ADHFE1: variants seen among roughly 807,000 people sequenced by gnomAD.
ADHFE1 encodes hydroxyacid-oxoacid transhydrogenase, mitochondrial.
In ADHFE1, 37 loss-of-function variants were observed where a neutral mutation model predicts 54.8. That is an observed-to-expected ratio of 0.68 (90% CI 0.52 to 0.89). The LOEUF (loss-of-function observed/expected upper bound fraction) is 0.89, where lower values mean the gene tolerates loss of function less well. Ranked by LOEUF, ADHFE1 falls within the 40% of genes least tolerant of loss-of-function variation. ADHFE1 has a pLI of 0.00. For synonymous variants in ADHFE1, 203 were observed against 229.3 expected, an observed-to-expected ratio of 0.89 and a Z score of 1.04; for missense variants, 601 against 591.2, an observed-to-expected ratio of 1.02 and a Z score of -0.17.
In ADHFE1 at chr8:66,440,160, A is replaced by C; in HGVS notation, c.60-2A>C. On this transcript the variant is annotated splice_acceptor_variant, in intron 1 of 13. Coordinates refer to ENST00000396623, the MANE Select transcript of ADHFE1 (RefSeq NM_144650.3). LOFTEE classifies it high-confidence loss of function. ...TTTTGCTGTCGTTTTTATTTTCCCT[A>C]GGTGCCAGTGCCCAACTCATTCTCA... 7.4e-6 allele frequency: 12 copies of C among 1,611,168 alleles called. No homozygotes were observed. The highest frequency in any genetic ancestry group is 1.7e-4 in the Middle Eastern group (1 of 6,052).
chr8:66,464,328 C>T (rs1397919930), intron 13 of ADHFE1, among the ~76,000 whole-genome samples: 1 of 152,200 alleles, frequency 6.6e-6, no homozygotes, highest in African/African-American at 2.4e-5. Context: ...AAACGCGAAA[C>T]AGAAACTCAG....
intron 13 of ADHFE1, among the ~76,000 whole-genome samples, chr8:66,464,375 A>G (rs986437656): frequency 2.0e-5 from 3 of 152,216 alleles, no homozygotes; most frequent in South Asian, 2.1e-4. Flanking sequence ...AGAGTCCTGC[A>G]CCGCTCCACC....
Position 66,460,848 on chromosome 8 carries a change from A to G in ADHFE1, c.1320+383A>G, listed in dbSNP as rs78043237. On this transcript the variant is annotated intron_variant, in intron 13 of 13. Transcript: ENST00000396623. ...CTGTTCCAAAAGGACCACCAATATT[A>G]TTTTCCATTGTAAAAGAGTTCCAGG... 6.8e-3 allele frequency among the ~76,000 whole-genome samples: 1,042 copies of G among 152,276 alleles called. 8 individuals are homozygous for G. Among genetic ancestry groups the G allele is most frequent in the African/African-American group, 0.023 (964 of 41,548 alleles).
intron 13 of ADHFE1, among the ~76,000 whole-genome samples, chr8:66,465,577 T>C (rs1807128310): frequency 1.3e-5 from 2 of 152,166 alleles, no homozygotes; most frequent in Admixed American, 1.3e-4. Context: ...CTGTTTGAGG[T>C]TTTTTGTTGG....
In ADHFE1 at chr8:66,448,923, C is replaced by G; in HGVS notation, c.687C>G (p.Leu229=). The part of the protein sequence containing the change: ...TLGLIDPLHT[L]HMPARVVANS... ...GACTGATTGATCCTCTGCACACCCT[C>G]CACATGCCTGCCCGAGTGGTCGCCA... The change falls in exon 8 of 14, where the codon CTC becomes CTG. Residue 229 remains leucine (L), a synonymous_variant. Transcript: ENST00000396623. 6.2e-7 allele frequency: 1 copy of G among 1,614,210 alleles called. No individual in the cohort carries two copies.
intron 12 of ADHFE1, chr8:66,460,036 C>CTTTTTT: frequency 2.5e-6 from 1 of 405,056 alleles, no homozygotes. Flanking sequence ...ACTTTCTTGC[C>CTTTTTT]TTGTTCTGCA....
At chr8:66,435,620 T>G (rs1041541916) in intron 1 of ADHFE1, among the ~76,000 whole-genome samples, 1 of 143,378 alleles carries the variant, frequency 7.0e-6, no homozygotes, top group African/African-American at 2.6e-5. Context: ...TTTTTTTTTT[T>G]TTTTTTTTTT....
rs150320903 is a variant in ADHFE1 at position 66,439,787 on chromosome 8, T to C, written c.60-375T>C. The C allele has an allele frequency of 4.7e-6, 5 of 1,064,422 alleles. No individual in the cohort carries two copies. The highest frequency in any genetic ancestry group is 7.2e-5 in the East Asian group (1 of 13,886). 65.9% of individuals were successfully genotyped at this position (1,064,422 alleles called of 1,614,324 possible). A position where few individuals can be genotyped will look rare whatever the true frequency, so the allele number is the denominator to read the frequency against. ...TAAGAAGAGGCACACAGAGTTAACCTTGGGCCGATTTGGTCAACGCTCCTA... is the reference window on the plus strand; with the variant it reads ...TAAGAAGAGGCACACAGAGTTAACCCTGGGCCGATTTGGTCAACGCTCCTA... On this transcript the variant is annotated intron_variant, in intron 1 of 13. Transcript: ENST00000396623. This position sits in a 1 kb window ranked among gnomAD's most constrained non-coding sequence, Gnocchi z 4.4.
In ADHFE1 at chr8:66,454,047, T is replaced by C. The variant is rs117569336; in HGVS notation, c.888-12T>C. The stretch of plus-strand genomic sequence containing the variant: ...TTGATGTGTTATTGTTAGGTATTTA[T>C]ATCATTCACAGGGCTGTCAGAAATC... On this transcript the variant is annotated splice_polypyrimidine_tract_variant and intron_variant, in intron 9 of 13. Transcript: ENST00000396623. 2.5e-4 allele frequency: 401 copies of C among 1,613,866 alleles called. 4 individuals carry two copies. The East Asian group carries it at 5.7e-3, about 23-fold the overall frequency.
At position 66,448,980 on chromosome 8, in the gene ADHFE1, G is replaced by A. The variant is rs1392515076; in HGVS notation, c.734+10G>A. ...GCTTTGATGTGCTTTGGTAAGTGCT[G>A]GTGCCTCCTGGAGGGGCTTTTTTAG... On this transcript the variant is annotated intron_variant, in intron 8 of 13. Coordinates refer to ENST00000396623, the MANE Select transcript of ADHFE1 (RefSeq NM_144650.3). 1 of 1,612,428 alleles carries A rather than the reference G, an allele frequency of 6.2e-7. No individual in the cohort carries two copies. Among genetic ancestry groups the A allele is most frequent in the Non-Finnish European group, 8.5e-7 (1 of 1,178,600 alleles).
chr8:66,447,235 T>C, intron 6 of ADHFE1, 29 bp from the exon 7 acceptor site: 1 of 1,591,036 alleles, frequency 6.3e-7, no homozygotes, highest in Non-Finnish European at 8.6e-7. Flanking sequence ...TTTAGATGCT[T>C]TATTAAAATT....
chr8:66,433,177 A>G (rs1451595701), intron 1 of ADHFE1, among the ~76,000 whole-genome samples: 1 of 152,186 alleles, frequency 6.6e-6, no homozygotes, highest in Admixed American at 6.5e-5. Context: ...GTCACCTGAT[A>G]AATACTTGCT....
At chr8:66,456,936 T>A in intron 11 of ADHFE1, 41 bp downstream of exon 11, 1 of 1,452,458 alleles carries the variant, frequency 6.9e-7, no homozygotes, top group Non-Finnish European at 9.2e-7. Flanking sequence ...AATATTATAA[T>A]CATCCCAATT....
chr8:66,446,790 C>T (rs1242525429), intron 6 of ADHFE1, among the ~76,000 whole-genome samples: 2 of 152,114 alleles, frequency 1.3e-5, no homozygotes, highest in Non-Finnish European at 2.9e-5. Context: ...CATGCTAACA[C>T]ATACAGAGGT....
rs553032630 is a variant in ADHFE1 at position 66,439,992 on chromosome 8, G to A, written c.60-170G>A. Among the ~76,000 whole-genome samples, 10 of 152,200 alleles carry A rather than the reference G, an allele frequency of 6.6e-5. No homozygotes were observed. The highest frequency in any genetic ancestry group is 1.2e-4 in the Non-Finnish European group (8 of 68,034). On this transcript the variant is annotated intron_variant, in intron 1 of 13. Transcript: ENST00000396623. The surrounding 1 kb of genome is among the most constrained non-coding windows in gnomAD (Gnocchi z 4.4). ...ACGCTGAGTCAACTTTTTGTCCATC[G>A]TGATTTCTGGGTCTATATATATTTT...
chr8:66,448,493 G>A (rs1196809336), intron 7 of ADHFE1, among the ~76,000 whole-genome samples: 1 of 152,204 alleles, frequency 6.6e-6, no homozygotes, highest in Non-Finnish European at 1.5e-5. Context: ...TGCAGAGCGA[G>A]GACCAGTGGT....
chr8:66,450,682 C>T (rs1035219265), intron 8 of ADHFE1, among the ~76,000 whole-genome samples: 4 of 152,214 alleles, frequency 2.6e-5, no homozygotes, highest in African/African-American at 9.7e-5. Flanking sequence ...AGTGAGTCCA[C>T]CCCTGAGAAA....
At chr8:66,468,200 C>T in intron 13 of ADHFE1, 69 bp from the exon 14 acceptor site, 2 of 1,208,320 alleles carry the variant, frequency 1.7e-6, no homozygotes, top group African/African-American at 1.6e-5. Context: ...AGTTAATTTC[C>T]ATAACTTTGT....
Position 66,440,733 on chromosome 8 carries a change from G to A in ADHFE1, c.97+534G>A, listed in dbSNP as rs1805705082. Among the ~76,000 whole-genome samples the A allele has an allele frequency of 2.0e-5, 3 of 152,238 alleles. No individual in the cohort carries two copies. The South Asian group carries it at 6.2e-4, about 32-fold the overall frequency. On this transcript the variant is annotated intron_variant, in intron 2 of 13. Transcript: ENST00000396623. ...TAGTCATTACCAAACACCAAACACT[G>A]TGGTCCACAGAGCAGCAGGAAACTC... is the stretch of plus-strand genomic sequence containing the variant.
Sources: allele counts gnomAD v4.1 joint callset (sites outside exome capture counted in the v4.1 genomes callset), GRCh38; gene constraint gnomAD v4.1.1; non-coding constraint Gnocchi (gnomAD v3.1); transcripts MANE v1.5; gene names NCBI Gene and HGNC (gene_info 2026-07-23, HGNC 2026-07-21).